Variants in CNGB3 observed in about 807,000 individuals in gnomAD.
CNGB3 encodes cyclic nucleotide-gated channel beta-3.
CNGB3 carries 86 observed loss-of-function variants against 92.8 expected under a neutral mutation model. The observed-to-expected ratio is 0.93, with a 90% CI of 0.78 to 1.11. The LOEUF (loss-of-function observed/expected upper bound fraction) is 1.11, where lower values mean the gene tolerates loss of function less well. CNGB3 is among the 50% of genes least tolerant of loss of function. CNGB3 has a pLI of 0.00. For synonymous variants in CNGB3, 333 were observed against 332.7 expected (o/e 1.00, Z -0.01); for missense variants, 1,026 against 956.8 (o/e 1.07, Z -0.95).
At chr8:86,702,234 T>C (rs942328979) in intron 3 of CNGB3, among the ~76,000 whole-genome samples, 3 of 152,208 alleles carry the variant, frequency 2.0e-5, no homozygotes, top group African/African-American at 7.2e-5. Context: ...CTTGTTATCA[T>C]TTTTGAGGGC....
chr8:86,660,958 G>A (rs1248621054), intron 6 of CNGB3, among the ~76,000 whole-genome samples: 1 of 152,124 alleles, frequency 6.6e-6, no homozygotes, highest in Non-Finnish European at 1.5e-5. Flanking sequence ...TAGGAGCCAT[G>A]GTCCAGAAAC....
At position 86,620,349 on chromosome 8, in the gene CNGB3, C is replaced by T. The variant is rs112739032; in HGVS notation, c.1578+5634G>A. The stretch of plus-strand genomic sequence containing the variant: ...TAAAGGCTTAAGATCAAGGCATCAG[C>T]AGGTCTGGTTTCTTCTGTGGCCTCT... On this transcript the variant is annotated intron_variant, in intron 13 of 17. Transcript: ENST00000320005. Among the ~76,000 whole-genome samples the T allele has an allele frequency of 2.5e-3, 384 of 152,264 alleles. 1 individual carries two copies. Among genetic ancestry groups the T allele is most frequent in the Admixed American group, 5.6e-3 (86 of 15,292 alleles).
intron 6 of CNGB3, chr8:86,657,724 C>CCAGCTCCTG (rs539965130): frequency 1.9e-5 from 9 of 476,326 alleles, no homozygotes; most frequent in East Asian, 5.7e-5. Context: ...AGCCGCAACA[C>CCAGCTCCTG]CAGCTCCTGC....
intron 3 of CNGB3, among the ~76,000 whole-genome samples, chr8:86,689,296 T>C (rs953116020): frequency 3.3e-5 from 5 of 151,954 alleles, no homozygotes; most frequent in African/African-American, 1.2e-4. Flanking sequence ...TAGTTCTGTT[T>C]GGTCTGTAGT....
intron 13 of CNGB3, among the ~76,000 whole-genome samples, chr8:86,614,885 A>G (rs1289607298): frequency 6.6e-6 from 1 of 152,184 alleles, no homozygotes; most frequent in Non-Finnish European, 1.5e-5. Flanking sequence ...CTCCCAAGAC[A>G]GAACCCAAGA....
At chr8:86,718,352 C>T (rs1415068534) in intron 3 of CNGB3, among the ~76,000 whole-genome samples, 1 of 152,054 alleles carries the variant, frequency 6.6e-6, no homozygotes, top group Non-Finnish European at 1.5e-5. Context: ...ACTGATACCA[C>T]AGAAATACAA....
In CNGB3 at chr8:86,579,227, G is replaced by A. The variant is rs1425590290; in HGVS notation, c.1807C>T (p.Arg603Cys). 8 of 1,613,888 alleles carry A rather than the reference G, an allele frequency of 5.0e-6. No individual in the cohort carries two copies. The highest frequency in any genetic ancestry group is 2.7e-5 in the African/African-American group (2 of 74,888). The change falls in exon 16 of 18, where the codon CGT becomes TGT. Residue 603 changes from arginine to cysteine, a missense_variant. Arg to Cys is a radical substitution (Grantham distance 180). Coordinates refer to ENST00000320005, the MANE Select transcript of CNGB3 (RefSeq NM_019098.5). Reference sequence around the variant, plus strand: ...TGGGCCACCACATTGGCAGTTCGACGGTTTCCTCCTCCTGCTGCTAGAAGG... The same window carrying A: ...TGGGCCACCACATTGGCAGTTCGACAGTTTCCTCCTCCTGCTGCTAGAAGG... Reference protein sequence around the residue: ...ISLLAAGGGNRRTANVVAHGF... With the variant: ...ISLLAAGGGNCRTANVVAHGF...
chr8:86,728,419 G>A (rs984907644), intron 2 of CNGB3, among the ~76,000 whole-genome samples: 1 of 152,078 alleles, frequency 6.6e-6, no homozygotes, highest in African/African-American at 2.4e-5. Context: ...AAGAGAGAAG[G>A]ATCTGTTTTC....
At chr8:86,661,391 C>G (rs1823637654) in intron 6 of CNGB3, 1 of 433,070 alleles carries the variant, frequency 2.3e-6, no homozygotes, top group Non-Finnish European at 4.5e-6. Context: ...AGTTAATTCT[C>G]TATCAGGAAG....
intron 12 of CNGB3, among the ~76,000 whole-genome samples, chr8:86,627,085 G>C (rs1377916338): frequency 9.6e-6 from 1 of 103,956 alleles, no homozygotes; most frequent in African/African-American, 3.9e-5. Context: ...AGAATTCCAA[G>C]AGTTTCTGAG....
At chr8:86,591,946 C>T (rs1822050737) in intron 15 of CNGB3, among the ~76,000 whole-genome samples, 1 of 152,220 alleles carries the variant, frequency 6.6e-6, no homozygotes, top group African/African-American at 2.4e-5. Context: ...AGCCTCGCTG[C>T]CACCTTGCAG....
At chr8:86,590,432 T>C (rs1822002136) in intron 15 of CNGB3, among the ~76,000 whole-genome samples, 1 of 152,082 alleles carries the variant, frequency 6.6e-6, no homozygotes, top group African/African-American at 2.4e-5. Context: ...TTCTTCCTAG[T>C]CTCGATGGTC....
intron 15 of CNGB3, among the ~76,000 whole-genome samples, chr8:86,588,766 C>T (rs1821954562): frequency 6.6e-6 from 1 of 151,272 alleles, no homozygotes; most frequent in Admixed American, 6.6e-5. Context: ...ATTTTTGCAT[C>T]AATGTTCATC....
chr8:86,612,052 A>T (rs2131566337), intron 13 of CNGB3, among the ~76,000 whole-genome samples: 1 of 152,306 alleles, frequency 6.6e-6, no homozygotes, highest in East Asian at 1.9e-4. Context: ...GTATATTAGG[A>T]CCAACATAGA....
At chr8:86,596,540 TAGAA>T (rs1466196486) in intron 15 of CNGB3, among the ~76,000 whole-genome samples, 2 of 152,298 alleles carry the variant, frequency 1.3e-5, no homozygotes, top group East Asian at 1.9e-4. Context: ...TTCACAAAGA[TAGAA>T]AGATAATTAC....
chr8:86,624,814 C>A (rs1362884926), intron 13 of CNGB3, among the ~76,000 whole-genome samples: 1 of 152,150 alleles, frequency 6.6e-6, no homozygotes, highest in East Asian at 1.9e-4. Context: ...GAATTGCAAT[C>A]CCCAATGTTG....
At position 86,659,706 on chromosome 8, in the gene CNGB3, C is replaced by A. The variant is rs115027349; in HGVS notation, c.853-5644G>T. 3.9e-3 allele frequency: 1,529 copies of A among 395,528 alleles called. 58 individuals are homozygous for A. The highest frequency in any genetic ancestry group is 0.03 in the African/African-American group (1,415 of 47,484). 24.5% of individuals were successfully genotyped at this position (395,528 alleles called of 1,614,324 possible). On this transcript the variant is annotated intron_variant, in intron 6 of 17. Transcript: ENST00000320005. ...CATGCTGAGTGTAATACAGAGCTGTCCATAACTCTGCCTTCTCGGACATGA... is the reference window on the plus strand; with the variant it reads ...CATGCTGAGTGTAATACAGAGCTGTACATAACTCTGCCTTCTCGGACATGA...
intron 15 of CNGB3, among the ~76,000 whole-genome samples, chr8:86,589,824 G>A (rs1821986510): frequency 1.3e-5 from 2 of 151,970 alleles, no homozygotes; most frequent in African/African-American, 4.8e-5. Context: ...TGTTGATTTG[G>A]GGTGGAGAGT....
chr8:86,739,854 A>G, intron 1 of CNGB3, 118 bp from the exon 2 acceptor site: 1 of 1,181,332 alleles, frequency 8.5e-7, no homozygotes, highest in Non-Finnish European at 1.2e-6. Flanking sequence ...TTGACTGTTT[A>G]TGATGTACTA....
Sources: allele counts gnomAD v4.1 joint callset (sites outside exome capture counted in the v4.1 genomes callset), GRCh38; gene constraint gnomAD v4.1.1; transcripts MANE v1.5; gene names NCBI Gene and HGNC (gene_info 2026-07-23, HGNC 2026-07-21).